Variants in RBX1 observed in about 807,000 individuals in gnomAD.
RBX1 encodes the protein E3 ubiquitin-protein ligase RBX1.
For missense variants in RBX1, 46 were observed against 141.4 expected, an observed-to-expected ratio of 0.33 and a Z score of 3.42; for synonymous variants, 48 against 47.9, an observed-to-expected ratio of 1.00 and a Z score of -0.01.
intron 2 of RBX1, among the ~76,000 whole-genome samples, chr22:40,958,220 A>G (rs1267547260): frequency 1.3e-5 from 2 of 151,972 alleles, no homozygotes; most frequent in African/African-American, 4.8e-5. Flanking sequence ...TTGCCCTTCC[A>G]AAACACTGAG....
intron 2 of RBX1, among the ~76,000 whole-genome samples, chr22:40,959,168 T>G (rs2058333250): frequency 6.6e-6 from 1 of 152,332 alleles, no homozygotes; most frequent in Admixed American, 6.5e-5. Flanking sequence ...AAGCCATTGC[T>G]TCCTTAACAG....
chr22:40,972,406 T>C, intron 4 of RBX1, 70 bp from the exon 5 acceptor site: 2 of 1,273,736 alleles, frequency 1.6e-6, no homozygotes, highest in South Asian at 1.2e-5. Flanking sequence ...CTTATGTGTT[T>C]AAGCAGGTTT....
chr22:40,959,367 C>A (rs2058333810), intron 2 of RBX1, among the ~76,000 whole-genome samples: 1 of 152,222 alleles, frequency 6.6e-6, no homozygotes, highest in South Asian at 2.1e-4. Flanking sequence ...TACTTACTCT[C>A]TGCAACAAAA....
intron 4 of RBX1, among the ~76,000 whole-genome samples, chr22:40,970,324 C>T (rs910656437): frequency 6.9e-5 from 10 of 145,750 alleles, no homozygotes; most frequent in Admixed American, 4.2e-4. Flanking sequence ...CCACATCAGC[C>T]GGGGCAAAAG....
intron 2 of RBX1, among the ~76,000 whole-genome samples, chr22:40,959,946 G>A (rs140505640): frequency 0.065 from 9,923 of 151,798 alleles, 1,042 homozygotes; most frequent in African/African-American, 0.22. Flanking sequence ...GTGAAACCCC[G>A]TCTCTACTAA....
chr22:40,955,260 CT>C (rs776549895), intron 2 of RBX1, among the ~76,000 whole-genome samples: 356 of 138,760 alleles, frequency 2.6e-3, no homozygotes, highest in East Asian at 0.014. Context: ...TTTCTTTTTC[CT>C]TTTTTTTTTT....
intron 2 of RBX1, among the ~76,000 whole-genome samples, chr22:40,962,016 T>C (rs1489291289): frequency 6.6e-6 from 1 of 152,118 alleles, no homozygotes; most frequent in African/African-American, 2.4e-5. Flanking sequence ...AACCCTGACA[T>C]CAAGTGATCC....
chr22:40,967,694 TTGCCCACTATA>T (rs2058357850), intron 3 of RBX1, 94 bp from the exon 4 acceptor site: 2 of 768,178 alleles, frequency 2.6e-6, no homozygotes, highest in African/African-American at 3.5e-5. Context: ...TTTTCTTTTC[TTGCCCACTATA>T]TGTCACCCAT....
rs191879830 is a variant in RBX1 at position 40,972,555 on chromosome 22, T to C, written c.*67T>C. The stretch of plus-strand genomic sequence containing the variant: ...TTTAATGACTTTCCCTGCTGTTACC[T>C]AATTACAAATTGGATGGAACTGTGT... On this transcript the variant is annotated 3_prime_UTR_variant, in exon 5 of 5. Transcript: ENST00000216225. The C allele has an allele frequency of 7.0e-5, 90 of 1,287,850 alleles. No homozygotes were observed. The highest frequency in any genetic ancestry group is 1.3e-4 in the Admixed American group (7 of 55,854). 79.8% of individuals were successfully genotyped at this position (1,287,850 alleles called of 1,614,324 possible).
intron 3 of RBX1, chr22:40,967,560 T>C (rs989455713): frequency 2.4e-6 from 1 of 410,304 alleles, no homozygotes. Flanking sequence ...TGGCACATAC[T>C]CCTGTGCTTC....
chr22:40,971,896 T>G (rs1460953719), intron 4 of RBX1, among the ~76,000 whole-genome samples: 1 of 152,014 alleles, frequency 6.6e-6, no homozygotes, highest in African/African-American at 2.4e-5. Context: ...CAAATTTTGG[T>G]TTCTGGGGAA....
intron 4 of RBX1, among the ~76,000 whole-genome samples, chr22:40,968,162 C>G (rs1197486860): frequency 7.0e-6 from 1 of 142,274 alleles, no homozygotes; most frequent in African/African-American, 2.6e-5. Context: ...GCTATCTTGG[C>G]TCACTGCAAC....
intron 3 of RBX1, among the ~76,000 whole-genome samples, chr22:40,965,694 G>A (rs1160360578): frequency 1.3e-5 from 2 of 152,016 alleles, no homozygotes; most frequent in African/African-American, 2.4e-5. Context: ...TGCCAGCCTC[G>A]GCCTCCCAAA....
intron 2 of RBX1, among the ~76,000 whole-genome samples, chr22:40,959,434 C>T (rs918614161): frequency 4.6e-5 from 7 of 152,194 alleles, no homozygotes; most frequent in Non-Finnish European, 1.0e-4. Flanking sequence ...ATTTTCCCTG[C>T]TATATCCCTT....
chr22:40,972,734 A>T lies in RBX1; in HGVS notation c.*246A>T. The T allele has an allele frequency of 2.3e-6, 1 of 443,852 alleles. No homozygotes were observed. The highest frequency in any genetic ancestry group is 4.1e-6 in the Non-Finnish European group (1 of 241,890). The allele number at this position is 443,852 out of a possible 1,614,324, so 27.5% of individuals were successfully genotyped here. A position where few individuals can be genotyped will look rare whatever the true frequency, so the allele number is the denominator to read the frequency against. ...AGAGTCTCCCCTTCCAAGGCTGAAA[A>T]CTCAGCTTTTGAAAGTGAAATGTTT... On this transcript the variant is annotated 3_prime_UTR_variant, in exon 5 of 5. Transcript: ENST00000216225.
intron 2 of RBX1, among the ~76,000 whole-genome samples, chr22:40,958,380 A>G (rs1276703771): frequency 4.6e-5 from 7 of 152,192 alleles, no homozygotes; most frequent in East Asian, 1.9e-4. Flanking sequence ...TCATTTTTAT[A>G]AAGACAATTT....
chr22:40,960,700 TTATAG>T (rs1254041161), intron 2 of RBX1, among the ~76,000 whole-genome samples: 1 of 152,182 alleles, frequency 6.6e-6, no homozygotes, highest in Non-Finnish European at 1.5e-5. Context: ...ATTCTTTTAA[TTATAG>T]TAGTGTATTC....
At chr22:40,953,486 C>G (rs2058316904) in intron 1 of RBX1, 69 bp from the exon 2 acceptor site, 1 of 1,035,568 alleles carries the variant, frequency 9.7e-7, no homozygotes, top group Admixed American at 1.7e-5. Flanking sequence ...CAGCTGCAGC[C>G]TGAGGTCCTA....
chr22:40,951,598 AC>A, intron 1 of RBX1, 122 bp downstream of exon 1: 1 of 903,546 alleles, frequency 1.1e-6, no homozygotes, highest in Non-Finnish European at 1.7e-6. Flanking sequence ...GGGACCGGGT[AC>A]CACGAAAGGA....
Sources: gnomAD v4.1 joint callset for allele counts (sites outside exome capture counted in the v4.1 genomes callset) on GRCh38, gnomAD v4.1.1 for gene constraint, MANE v1.5 for transcripts, NCBI Gene and HGNC (gene_info 2026-07-23, HGNC 2026-07-21) for gene names.